Variants in CWF19L2 observed in about 807,000 individuals in gnomAD.
The protein encoded by CWF19L2 is CWF19 like cell cycle control factor 2, also known as CWF19-like protein 2.
Under a neutral mutation model 111.7 loss-of-function variants are expected in CWF19L2, and 98 were observed. The ratio of observed to expected loss-of-function variants is 0.88; its 90% CI spans 0.75 to 1.04. The LOEUF is 1.04. Ranked by LOEUF, CWF19L2 falls within the 50% of genes least tolerant of loss-of-function variation. The pLI, the probability that CWF19L2 is intolerant of heterozygous loss-of-function variation, is 0.00. For synonymous variants in CWF19L2, 351 were observed against 342.9 expected (o/e 1.02, Z -0.26); for missense variants, 1,101 against 1,051.4 (o/e 1.05, Z -0.65).
chr11:107,374,693 T>A (rs1860570648), intron 12 of CWF19L2, among the ~76,000 whole-genome samples: 1 of 110,850 alleles, frequency 9.0e-6, no homozygotes, highest in Non-Finnish European at 1.9e-5. Context: ...CCATCGAGAC[T>A]AGGAAGAAAC....
chr11:107,435,368 C>T (rs1861526682), intron 6 of CWF19L2, among the ~76,000 whole-genome samples: 1 of 152,116 alleles, frequency 6.6e-6, no homozygotes, highest in Non-Finnish European at 1.5e-5. Context: ...AAGAAATCCA[C>T]AGTAATAAAT....
At chr11:107,419,537 A>G (rs1323146695) in intron 8 of CWF19L2, among the ~76,000 whole-genome samples, 4 of 152,162 alleles carry the variant, frequency 2.6e-5, no homozygotes, top group Non-Finnish European at 5.9e-5. Flanking sequence ...CAGATGTAAA[A>G]AACAGCAGAC....
intron 10 of CWF19L2, among the ~76,000 whole-genome samples, chr11:107,396,284 C>A (rs1860920861): frequency 6.6e-6 from 1 of 152,182 alleles, no homozygotes; most frequent in African/African-American, 2.4e-5. Context: ...ATAAGAATGC[C>A]AAATGCTCCA....
At chr11:107,363,768 C>T (rs1306198332) in intron 12 of CWF19L2, among the ~76,000 whole-genome samples, 1 of 48,412 alleles carries the variant, frequency 2.1e-5, no homozygotes, top group Admixed American at 1.8e-4. Context: ...CATCAACTAA[C>T]GAGCAAAATC....
rs567804389 is a variant in CWF19L2 at position 107,351,384 on chromosome 11, A to G, written c.2085+2140T>C. On this transcript the variant is annotated intron_variant, in intron 13 of 17. Coordinates refer to ENST00000282251, the MANE Select transcript of CWF19L2 (RefSeq NM_152434.3). ...AAAAGAGGAAGACTATGGGAGGGTT[A>G]GTGTTAGCTAAAGGTAAAGGTGGAG... Among the ~76,000 whole-genome samples, 38 of 152,306 alleles carry G rather than the reference A, an allele frequency of 2.5e-4. No individual in the cohort carries two copies. The South Asian group carries it at 7.9e-3, about 32-fold the overall frequency.
chr11:107,387,326 T>C (rs1170770364), intron 12 of CWF19L2, among the ~76,000 whole-genome samples: 1 of 152,050 alleles, frequency 6.6e-6, no homozygotes, highest in Non-Finnish European at 1.5e-5. Context: ...ACTAATATAA[T>C]ACTCTCCTTC....
intron 10 of CWF19L2, among the ~76,000 whole-genome samples, chr11:107,397,149 G>C (rs937540312): frequency 1.3e-5 from 2 of 152,160 alleles, no homozygotes; most frequent in African/African-American, 2.4e-5. Context: ...AATTTGAACA[G>C]GGTGAGAAAC....
intron 14 of CWF19L2, among the ~76,000 whole-genome samples, chr11:107,337,393 G>A (rs1332554335): frequency 2.0e-5 from 3 of 150,946 alleles, no homozygotes; most frequent in African/African-American, 2.5e-5. Context: ...GTGTGTGTGT[G>A]TGTGTGTGTG....
chr11:107,457,303 G>C (rs1325182508), intron 1 of CWF19L2, among the ~76,000 whole-genome samples: 1 of 152,168 alleles, frequency 6.6e-6, no homozygotes, highest in East Asian at 1.9e-4. Flanking sequence ...GTCTATTCAA[G>C]TGTGACTTGA....
intron 10 of CWF19L2, among the ~76,000 whole-genome samples, chr11:107,394,089 C>A (rs912561053): frequency 2.0e-5 from 3 of 151,962 alleles, no homozygotes; most frequent in Non-Finnish European, 4.4e-5. Flanking sequence ...TGAAACAAGA[C>A]CAAGCAAAAT....
intron 8 of CWF19L2, among the ~76,000 whole-genome samples, chr11:107,425,927 T>C (rs1156598984): frequency 6.6e-6 from 1 of 151,952 alleles, no homozygotes; most frequent in Admixed American, 6.6e-5. Flanking sequence ...AGCCAATATA[T>C]TTTCTAACAC....
chr11:107,435,957 C>T (rs1861535016), intron 6 of CWF19L2, among the ~76,000 whole-genome samples: 1 of 151,966 alleles, frequency 6.6e-6, no homozygotes, highest in African/African-American at 2.4e-5. Flanking sequence ...AGATCAAGAC[C>T]AGCCTGGCCA....
intron 11 of CWF19L2, among the ~76,000 whole-genome samples, chr11:107,392,433 T>C (rs536525438): frequency 6.6e-6 from 1 of 152,264 alleles, no homozygotes; most frequent in South Asian, 2.1e-4. Flanking sequence ...AAGTTAGCTG[T>C]CTAACACTAG....
At chr11:107,445,529 G>A (rs12285786) in intron 3 of CWF19L2, among the ~76,000 whole-genome samples, 3,952 of 151,892 alleles carry the variant, frequency 0.026, 185 homozygotes, top group African/African-American at 0.089. Context: ...TCTTGAACCC[G>A]GGAGGCGGGG....
chr11:107,400,171 G>A (rs1860980165), intron 10 of CWF19L2, among the ~76,000 whole-genome samples: 1 of 150,992 alleles, frequency 6.6e-6, no homozygotes, highest in African/African-American at 2.4e-5. Flanking sequence ...AGAGAAAAAA[G>A]AACAAACCAA....
At chr11:107,374,884 G>T (rs1209767630) in intron 12 of CWF19L2, among the ~76,000 whole-genome samples, 10 of 150,848 alleles carry the variant, frequency 6.6e-5, no homozygotes, top group East Asian at 3.9e-4. Flanking sequence ...CCATCTCACG[G>T]GCAGAGACAC....
At chr11:107,422,054 C>T (rs746134974) in intron 8 of CWF19L2, among the ~76,000 whole-genome samples, 1 of 151,952 alleles carries the variant, frequency 6.6e-6, no homozygotes, top group Non-Finnish European at 1.5e-5. Context: ...CTGACATATG[C>T]AACAACATAA....
chr11:107,454,756 T>C (rs1861829835), intron 2 of CWF19L2, among the ~76,000 whole-genome samples, 184 bp from the exon 3 acceptor site: 1 of 152,212 alleles, frequency 6.6e-6, no homozygotes, highest in Admixed American at 6.5e-5. Flanking sequence ...CTATAATATA[T>C]GCACTATCAA....
rs1860868050 is a variant in CWF19L2 at position 107,392,828 on chromosome 11, G to A, written c.1685C>T (p.Thr562Ile). ...TTGTGATTCCAGAGATTTTCCGGGT[G>A]TGTTCACAGGCCATACTCTTCCAGA... ...DQSGRVWPVN[T>I]PGKSLESQGG... Residue 562 changes from threonine (T) to isoleucine (I), a missense_variant, in exon 11 of 18, where the codon ACA becomes ATA. Coordinates refer to ENST00000282251, the MANE Select transcript of CWF19L2 (RefSeq NM_152434.3). The A allele has an allele frequency of 3.8e-6, 6 of 1,596,098 alleles. No homozygotes were observed. In the East Asian group the frequency reaches 6.9e-5, roughly 18 times the overall value.
Sources: allele counts gnomAD v4.1 joint callset (sites outside exome capture counted in the v4.1 genomes callset), GRCh38; gene constraint gnomAD v4.1.1; transcripts MANE v1.5; gene names NCBI Gene and HGNC (gene_info 2026-07-23, HGNC 2026-07-21).